The following CASC3 variants were observed in gnomAD, a reference collection of about 807,000 sequenced individuals.
The protein encoded by CASC3 is CASC3 exon junction complex subunit.
A neutral mutation model predicts 80.5 loss-of-function variants in CASC3; 30 were observed. The ratio of observed to expected loss-of-function variants is 0.37; its 90% CI spans 0.28 to 0.51. The LOEUF (loss-of-function observed/expected upper bound fraction) is 0.51. CASC3 is among the 20% of genes least tolerant of loss of function. CASC3 has a pLI of 0.94. For synonymous variants in CASC3, 312 were observed against 333.6 expected (o/e 0.94, Z 0.70); for missense variants, 824 against 922.2 (o/e 0.89, Z 1.38).
rs1938472611 is a variant in CASC3 at position 40,171,948 on chromosome 17, C to G, written c.*1543C>G. ...AGCTGGTGGTTGTGCCTTTTGTAGG[C>G]TGTTCCCTTTGCCTTAAACCTGAAG... On this transcript the variant is annotated 3_prime_UTR_variant, in exon 14 of 14. Transcript: ENST00000264645. 1 of 1,283,494 alleles carries G rather than the reference C, an allele frequency of 7.8e-7. No homozygotes were observed. Among genetic ancestry groups the G allele is most frequent in the African/African-American group, 1.5e-5 (1 of 65,570 alleles). 79.5% of individuals were successfully genotyped at this position (1,283,494 alleles called of 1,614,324 possible). A position where few individuals can be genotyped will look rare whatever the true frequency, so the allele number is the denominator to read the frequency against.
intron 3 of CASC3, among the ~76,000 whole-genome samples, chr17:40,160,619 C>G (rs978955564): frequency 2.6e-5 from 4 of 152,072 alleles, no homozygotes; most frequent in Non-Finnish European, 4.4e-5. Context: ...CCATTAGAGG[C>G]TGCCGCTGTT....
chr17:40,156,597 G>A (rs1051038323), intron 3 of CASC3, among the ~76,000 whole-genome samples: 4 of 152,072 alleles, frequency 2.6e-5, no homozygotes, highest in African/African-American at 4.8e-5. Flanking sequence ...GCTGAGGCAG[G>A]AGAATGGCAT....
intron 3 of CASC3, among the ~76,000 whole-genome samples, chr17:40,147,611 A>T (rs1451432294): frequency 6.6e-6 from 1 of 152,148 alleles, no homozygotes; most frequent in African/African-American, 2.4e-5. Flanking sequence ...ACTCCACAGC[A>T]CTCCAGCCTG....
chr17:40,149,561 A>AG (rs111421826), intron 3 of CASC3, among the ~76,000 whole-genome samples: 9,747 of 151,996 alleles, frequency 0.064, 684 homozygotes, highest in African/African-American at 0.17. Flanking sequence ...AAGAAAAGAA[A>AG]GGGGGAAAAA....
chr17:40,167,955 T>G lies in CASC3; in HGVS notation c.1750+7T>G, dbSNP rs1254103343. On this transcript the variant is annotated splice_region_variant and intron_variant, in intron 10 of 13. Coordinates refer to ENST00000264645, the MANE Select transcript of CASC3 (RefSeq NM_007359.5). ...ATGAACCTTCCCCACCCAGGTAAGC[T>G]TTGTGTCTCTGCTTATATGCTTCCA... 9.3e-6 allele frequency: 15 copies of G among 1,612,500 alleles called. No individual in the cohort carries two copies. In the South Asian group the frequency reaches 1.5e-4, roughly 17 times the overall value.
At chr17:40,150,415 C>CGTGTGTGTGTGTGTGTGT (rs10545573) in intron 3 of CASC3, among the ~76,000 whole-genome samples, 1 of 148,940 alleles carries the variant, frequency 6.7e-6, no homozygotes, top group African/African-American at 2.5e-5. Context: ...AGAGTGTGTG[C>CGTGTGTGTGTGTGTGTGT]GTGTGTGTGT....
chr17:40,149,907 C>T (rs1211642628), intron 3 of CASC3, among the ~76,000 whole-genome samples: 3 of 149,154 alleles, frequency 2.0e-5, no homozygotes, highest in Non-Finnish European at 4.4e-5. Context: ...AGCGAGACTC[C>T]GTCTCAAAAA....
intron 8 of CASC3, 94 bp from the exon 9 acceptor site, chr17:40,167,404 T>G (rs747113123): frequency 7.6e-6 from 6 of 793,342 alleles, no homozygotes; most frequent in Non-Finnish European, 1.3e-5. Context: ...ATACCTGCCA[T>G]GTACCAAGTG....
chr17:40,142,423 G>C (rs1988741912), intron 3 of CASC3, among the ~76,000 whole-genome samples: 1 of 152,234 alleles, frequency 6.6e-6, no homozygotes, highest in African/African-American at 2.4e-5. Context: ...AGTCGGGAAA[G>C]ATTAAACAGT....
intron 3 of CASC3, among the ~76,000 whole-genome samples, chr17:40,144,309 A>G (rs1567675887): frequency 6.6e-6 from 1 of 151,240 alleles, no homozygotes; most frequent in Non-Finnish European, 1.5e-5. Flanking sequence ...ATATATACCT[A>G]CTGTGTACTC....
intron 13 of CASC3, 117 bp from the exon 14 acceptor site, chr17:40,170,330 T>C (rs1349177274): frequency 1.5e-6 from 1 of 658,266 alleles, no homozygotes. Flanking sequence ...TGCTTTTGTT[T>C]AAGGACATTA....
Position 40,144,858 on chromosome 17 carries a change from TAA to T in CASC3, c.297+3252_297+3253del, listed in dbSNP as rs771292090. On this transcript the variant is annotated intron_variant, in intron 3 of 13. Coordinates refer to ENST00000264645, the MANE Select transcript of CASC3 (RefSeq NM_007359.5). Reference sequence around the variant, plus strand: ...TACCCAGCCAAAAAAAAAAAAAAATTAAGTTTTTTTTTTTTTTATTGAGATGG... The same window carrying T: ...TACCCAGCCAAAAAAAAAAAAAAATTGTTTTTTTTTTTTTTATTGAGATGG... Among the ~76,000 whole-genome samples, 265 of 147,490 alleles carry T rather than the reference TAA, an allele frequency of 1.8e-3. 9 individuals carry two copies. The East Asian group carries it at 0.047, about 26-fold the overall frequency.
chr17:40,157,662 A>G (rs893134334), intron 3 of CASC3, among the ~76,000 whole-genome samples: 12 of 152,090 alleles, frequency 7.9e-5, no homozygotes, highest in Non-Finnish European at 1.5e-4. Context: ...GCGACAGAGC[A>G]AGACTCTGTC....
At chr17:40,155,875 C>T (rs1319948993) in intron 3 of CASC3, among the ~76,000 whole-genome samples, 2 of 152,142 alleles carry the variant, frequency 1.3e-5, no homozygotes, top group East Asian at 3.9e-4. Flanking sequence ...GTGGTAGCAC[C>T]TTGGCTTCAG....
chr17:40,148,324 C>G (rs1226796683), intron 3 of CASC3, among the ~76,000 whole-genome samples: 1 of 151,858 alleles, frequency 6.6e-6, no homozygotes, highest in African/African-American at 2.4e-5. Flanking sequence ...GGGCCCTGTC[C>G]CCAGAAGGAA....
chr17:40,170,898 T>A lies in CASC3; in HGVS notation c.*493T>A. 2 of 985,564 alleles carry A rather than the reference T, an allele frequency of 2.0e-6. No individual in the cohort carries two copies. Among genetic ancestry groups the A allele is most frequent in the Non-Finnish European group, 2.4e-6 (2 of 829,944 alleles). 61.1% of individuals were successfully genotyped at this position (985,564 alleles called of 1,614,324 possible). A position where few individuals can be genotyped will look rare whatever the true frequency, so the allele number is the denominator to read the frequency against. On this transcript the variant is annotated 3_prime_UTR_variant, in exon 14 of 14. Coordinates refer to ENST00000264645, the MANE Select transcript of CASC3 (RefSeq NM_007359.5). ...CTGCCTTTAAATGAAACAAGTCTAG[T>A]CTTCTGGTTTTCTAGCCCCTCTGGA...
chr17:40,162,098 A>G lies in CASC3; in HGVS notation c.553A>G (p.Lys185Glu). Residue 185 changes from lysine to glutamate, a missense_variant, in exon 5 of 14, where the codon AAA becomes GAA. Physicochemically the swap from Lys to Glu is moderately conservative, Grantham distance 56. This residue lies in a region of CASC3 where 201 missense variants were observed against 294.1 expected (regional missense o/e 0.68). Coordinates refer to ENST00000264645, the MANE Select transcript of CASC3 (RefSeq NM_007359.5). ...DRKNPAYIPR[K>E]GLFFEHDLRG... ...GAAGAATCCAGCATACATACCTCGG[A>G]AAGGGCTCTTCTTTGAGCATGATCT... 1 of 1,614,030 alleles carries G rather than the reference A, an allele frequency of 6.2e-7. No homozygotes were observed. Among genetic ancestry groups the G allele is most frequent in the Non-Finnish European group, 8.5e-7 (1 of 1,179,978 alleles).
In CASC3 at chr17:40,157,342, CAAAT is replaced by C. The variant is rs748174698; in HGVS notation, c.298-4386_298-4383del. Among the ~76,000 whole-genome samples the C allele has an allele frequency of 4.2e-3, 620 of 146,058 alleles. 2 individuals are homozygous for C. The highest frequency in any genetic ancestry group is 0.014 in the African/African-American group (545 of 39,846). ...CCTGGACAACAGCGAGACTCCGTCT[CAAAT>C]AAATAAATAAATAAATAAATAAATT... is the stretch of plus-strand genomic sequence containing the variant. On this transcript the variant is annotated intron_variant, in intron 3 of 13. Transcript: ENST00000264645.
At chr17:40,162,490 TGAAA>T (rs1567682454) in intron 5 of CASC3, among the ~76,000 whole-genome samples, 2 of 152,218 alleles carry the variant, frequency 1.3e-5, no homozygotes, top group Admixed American at 1.3e-4. Context: ...CTGAATGGCA[TGAAA>T]TGAAGTCTTT....
Sources: gnomAD v4.1 joint callset for allele counts (sites outside exome capture counted in the v4.1 genomes callset) on GRCh38, gnomAD v4.1.1 for gene constraint, gnomAD v4.1.1 regional missense constraint, MANE v1.5 for transcripts, NCBI Gene and HGNC (gene_info 2026-07-23, HGNC 2026-07-21) for gene names.